AGMO: variants seen among roughly 807,000 people sequenced by gnomAD.
AGMO encodes alkylglycerol monooxygenase, also known as glyceryl-ether monooxygenase.
In AGMO, 75 loss-of-function variants were observed where a neutral mutation model predicts 60.2. The ratio of observed to expected loss-of-function variants is 1.25; its 90% confidence interval spans 1.03 to 1.51. AGMO has a LOEUF of 1.51. Among genes scored for constraint, AGMO ranks in the 40% most tolerant of loss-of-function variants. AGMO has a pLI of 0.00. For missense variants in AGMO, 763 were observed against 525.5 expected (o/e 1.45, Z -4.42); for synonymous variants, 261 against 177.1 (o/e 1.47, Z -3.76).
intron 10 of AGMO, among the ~76,000 whole-genome samples, chr7:15,371,716 T>C (rs1783226043): frequency 3.2e-5 from 1 of 30,780 alleles, no homozygotes; most frequent in African/African-American, 2.1e-4. Context: ...ATTTTTGTAT[T>C]TTTTTTTGTA....
intron 12 of AGMO, among the ~76,000 whole-genome samples, chr7:15,343,862 T>C (rs1171481353): frequency 6.6e-6 from 1 of 152,186 alleles, no homozygotes; most frequent in Non-Finnish European, 1.5e-5. Context: ...GCCTTTCTTG[T>C]AGTATGTCTT....
the AGMO span, among the ~76,000 whole-genome samples, chr7:15,127,527 G>A: frequency 6.6e-6 from 1 of 151,918 alleles, no homozygotes; most frequent in Admixed American, 6.6e-5. Context: ...AAGATACCAA[G>A]GGAAATACGT....
chr7:15,335,206 ATTTCT>A (rs1163606802), intron 12 of AGMO, among the ~76,000 whole-genome samples: 4 of 152,260 alleles, frequency 2.6e-5, no homozygotes, highest in South Asian at 2.1e-4. Context: ...TTAGGATTAG[ATTTCT>A]TTTCTTTGAT....
chr7:15,154,101 T>C, the AGMO span, among the ~76,000 whole-genome samples: 1 of 152,144 alleles, frequency 6.6e-6, no homozygotes, highest in African/African-American at 2.4e-5. Context: ...TACTGTTTGC[T>C]GATGATATGA....
chr7:15,293,702 C>T (rs755220096), intron 12 of AGMO, among the ~76,000 whole-genome samples: 3 of 152,234 alleles, frequency 2.0e-5, no homozygotes, highest in African/African-American at 4.8e-5. Flanking sequence ...ATGTAAACTA[C>T]GCCTAATTCT....
At chr7:15,482,763 AC>A (rs1303795834) in intron 3 of AGMO, among the ~76,000 whole-genome samples, 1 of 152,228 alleles carries the variant, frequency 6.6e-6, no homozygotes, top group African/African-American at 2.4e-5. Context: ...GTAATGATAT[AC>A]AAAAAGGATA....
chr7:15,192,284 T>TA, the AGMO span, among the ~76,000 whole-genome samples: 21,172 of 150,930 alleles, frequency 0.14, 1,632 homozygotes, highest in South Asian at 0.27. Flanking sequence ...CCTGTACCCA[T>TA]AAAAACCCCA....
At chr7:15,294,163 T>C (rs1290654007) in intron 12 of AGMO, among the ~76,000 whole-genome samples, 2 of 152,082 alleles carry the variant, frequency 1.3e-5, no homozygotes, top group Admixed American at 1.3e-4. Flanking sequence ...TTTAGATTCA[T>C]AGTAAAACAG....
rs544178877 is a variant in AGMO, at chr7:15,344,512, C to A, written c.1263+21002G>T. Among the ~76,000 whole-genome samples the A allele has an allele frequency of 1.5e-3, 226 of 152,208 alleles. 1 individual carries two copies. Among genetic ancestry groups the A allele is most frequent in the African/African-American group, 2.0e-3 (81 of 41,524 alleles). On this transcript the variant is annotated intron_variant, in intron 12 of 12. Transcript: ENST00000342526. ...ATCAGGAGTTCAAGATAAGCCTGGG[C>A]AACATGACAAACCCGTTTCTACCAA...
intron 12 of AGMO, among the ~76,000 whole-genome samples, chr7:15,266,142 G>C (rs1358292514): frequency 6.6e-6 from 1 of 151,982 alleles, no homozygotes; most frequent in Non-Finnish European, 1.5e-5. Flanking sequence ...GAAGGAATGG[G>C]AGTTATTGTT....
chr7:15,430,369 A>G (rs28447310), intron 4 of AGMO, among the ~76,000 whole-genome samples: 9,157 of 151,578 alleles, frequency 0.06, 375 homozygotes, highest in African/African-American at 0.11. Context: ...TTCATAACCA[A>G]GAAGAGCTAA....
chr7:15,517,598 G>T (rs1235320519), intron 3 of AGMO, among the ~76,000 whole-genome samples: 1 of 151,810 alleles, frequency 6.6e-6, no homozygotes, highest in African/African-American at 2.4e-5. Context: ...GGGAAGCTGT[G>T]AGGGACTGTG....
At chr7:15,410,758 C>T (rs1409510766) in intron 5 of AGMO, among the ~76,000 whole-genome samples, 1 of 151,742 alleles carries the variant, frequency 6.6e-6, no homozygotes. Context: ...CATTTTGTGG[C>T]CTTAGGGATT....
chr7:15,162,045 T>G, the AGMO span, among the ~76,000 whole-genome samples: 1 of 152,102 alleles, frequency 6.6e-6, no homozygotes, highest in Non-Finnish European at 1.5e-5. Flanking sequence ...GGTTCCCCCA[T>G]GCTGTTCTCA....
intron 3 of AGMO, among the ~76,000 whole-genome samples, chr7:15,507,550 A>T (rs1480602099): frequency 6.6e-6 from 1 of 152,124 alleles, no homozygotes; most frequent in Non-Finnish European, 1.5e-5. Flanking sequence ...AATAAATTAC[A>T]AGGAAATGGA....
At position 15,295,225 on chromosome 7, in the gene AGMO, TAAGAA is replaced by T. The variant is rs922442692; in HGVS notation, c.1263+70284_1263+70288del. 2.7e-4 allele frequency among the ~76,000 whole-genome samples: 41 copies of T among 152,070 alleles called. 1 individual carries two copies. Among genetic ancestry groups the T allele is most frequent in the African/African-American group, 9.6e-4 (40 of 41,550 alleles). Reference sequence around the variant, plus strand: ...TGTTGTATACAGGCCTCATTCATATTAAGAAAATATATACTCCTTTAAGAATTAAT... The same window carrying T: ...TGTTGTATACAGGCCTCATTCATATTAATATATACTCCTTTAAGAATTAAT... On this transcript the variant is annotated intron_variant, in intron 12 of 12. Transcript: ENST00000342526.
At chr7:15,247,414 TCACACACACA>T (rs71525649) in intron 12 of AGMO, among the ~76,000 whole-genome samples, 349 of 123,618 alleles carry the variant, frequency 2.8e-3, no homozygotes, top group South Asian at 7.6e-3. Flanking sequence ...CTTGGAGATT[TCACACACACA>T]CACACACACA....
intron 12 of AGMO, among the ~76,000 whole-genome samples, chr7:15,285,100 T>C (rs1784065833): frequency 6.6e-6 from 1 of 151,474 alleles, no homozygotes. Flanking sequence ...AAGCCATATA[T>C]GATGGATCCA....
intron 5 of AGMO, among the ~76,000 whole-genome samples, chr7:15,397,350 C>T (rs1347407320): frequency 1.3e-5 from 2 of 151,886 alleles, no homozygotes; most frequent in South Asian, 2.1e-4. Flanking sequence ...GGCCCGCGAG[C>T]GCCTCGCGCA....
Sources: gnomAD v4.1 joint callset for allele counts (sites outside exome capture counted in the v4.1 genomes callset) on GRCh38, gnomAD v4.1.1 for gene constraint, MANE v1.5 for transcripts, NCBI Gene and HGNC (gene_info 2026-07-23, HGNC 2026-07-21) for gene names.